The following SLIT2 variants were observed in gnomAD, a reference collection of about 807,000 sequenced individuals.
SLIT2 encodes the protein slit homolog 2 protein.
SLIT2 carries 41 observed loss-of-function variants against 185.7 expected under a neutral mutation model. The observed-to-expected ratio is 0.22, with a 90% CI of 0.17 to 0.29. The LOEUF (loss-of-function observed/expected upper bound fraction) is 0.29. Among genes scored for constraint, SLIT2 ranks in the 10% least tolerant of loss-of-function variants. SLIT2 has a pLI of 1.00. For synonymous variants in SLIT2, 693 were observed against 680.2 expected (o/e 1.02, Z -0.29); for missense variants, 1,571 against 1,909.0 (o/e 0.82, Z 3.30).
chr4:20,361,795 CTT>C (rs1375040324), intron 4 of SLIT2, among the ~76,000 whole-genome samples: 1 of 151,620 alleles, frequency 6.6e-6, no homozygotes, highest in African/African-American at 2.4e-5. Context: ...TTTTTTATTT[CTT>C]TTTTCTCTTC....
At chr4:20,559,586 A>C (rs1487280806) in intron 26 of SLIT2, among the ~76,000 whole-genome samples, 3 of 152,066 alleles carry the variant, frequency 2.0e-5, no homozygotes. Flanking sequence ...AATAATAGCT[A>C]AGTTCTATTG....
chr4:20,437,736 C>T (rs180961134), intron 4 of SLIT2, among the ~76,000 whole-genome samples: 34 of 151,964 alleles, frequency 2.2e-4, no homozygotes, highest in Non-Finnish European at 4.0e-4. Context: ...CATGGTGAAA[C>T]CCTGTCTCTA....
chr4:20,541,389 G>A (rs1722789008), intron 19 of SLIT2, 64 bp from the exon 20 acceptor site: 1 of 1,445,506 alleles, frequency 6.9e-7, no homozygotes, highest in African/African-American at 1.4e-5. Context: ...GGTAGCTGGG[G>A]TTTAGAGAAG....
At chr4:20,274,742 G>GTTT (rs35101905) in intron 4 of SLIT2, among the ~76,000 whole-genome samples, 92 of 144,722 alleles carry the variant, frequency 6.4e-4, no homozygotes, top group Non-Finnish European at 1.2e-3. Context: ...AAGTTTCTGT[G>GTTT]TTTTTTTTTT....
intron 29 of SLIT2, among the ~76,000 whole-genome samples, chr4:20,579,139 CA>C (rs562411981): frequency 4.4e-4 from 64 of 144,290 alleles, no homozygotes; most frequent in Admixed American, 5.6e-4. Context: ...ACTGAAAATA[CA>C]AAAAAAAAAA....
At chr4:20,502,980 C>A (rs778453845) in intron 9 of SLIT2, among the ~76,000 whole-genome samples, 5 of 152,092 alleles carry the variant, frequency 3.3e-5, no homozygotes, top group African/African-American at 7.2e-5. Context: ...TCATGCAGTT[C>A]ATTCCCCTAA....
chr4:20,527,674 C>T (rs1721418274), intron 15 of SLIT2, among the ~76,000 whole-genome samples: 2 of 152,090 alleles, frequency 1.3e-5, no homozygotes, highest in South Asian at 4.1e-4. Flanking sequence ...CACCGTGCTT[C>T]AAAATATTAT....
chr4:20,522,690 A>G (rs1720939935), intron 12 of SLIT2, among the ~76,000 whole-genome samples: 1 of 152,112 alleles, frequency 6.6e-6, no homozygotes, highest in Non-Finnish European at 1.5e-5. Context: ...ACATAGGGGA[A>G]AAAGGAGTTT....
At chr4:20,386,174 T>C (rs1724924056) in intron 4 of SLIT2, among the ~76,000 whole-genome samples, 1 of 152,186 alleles carries the variant, frequency 6.6e-6, no homozygotes, top group Non-Finnish European at 1.5e-5. Context: ...TTGACTCTTT[T>C]TGCATGTAAT....
Position 20,523,872 on chromosome 4 carries a change from A to T in SLIT2, c.1243A>T (p.Thr415Ser), listed in dbSNP as rs887940417. ...DNKLQTIAKG[T>S]FSPLRAIQTM... Reference sequence around the variant, plus strand: ...CAAGCTTCAGACCATCGCCAAGGGGACCTTTTCACCTCTTCGGGCCATTCA... The same window carrying T: ...CAAGCTTCAGACCATCGCCAAGGGGTCCTTTTCACCTCTTCGGGCCATTCA... The change falls in exon 13 of 37, where the codon ACC becomes TCC. Residue 415 changes from threonine (T) to serine (S), a missense_variant. Physicochemically the swap from Thr to Ser is moderately conservative, Grantham distance 58 (BLOSUM62 1). This residue lies in a region of SLIT2 where 1,202 missense variants were observed against 1,416.4 expected (regional missense o/e 0.85). Coordinates refer to ENST00000504154, the MANE Select transcript of SLIT2 (RefSeq NM_004787.4). 3 of 1,613,934 alleles carry T rather than the reference A, an allele frequency of 1.9e-6. No individual in the cohort carries two copies. The African/African-American group carries it at 4.0e-5, about 22-fold the overall frequency.
At chr4:20,575,739 T>C (rs1726034710) in intron 29 of SLIT2, among the ~76,000 whole-genome samples, 1 of 152,170 alleles carries the variant, frequency 6.6e-6, no homozygotes, top group Non-Finnish European at 1.5e-5. Flanking sequence ...ATTGTCCTTA[T>C]GTAAGGAAAG....
chr4:20,280,971 T>A (rs1247201660), intron 4 of SLIT2, among the ~76,000 whole-genome samples: 2 of 152,038 alleles, frequency 1.3e-5, no homozygotes, highest in Non-Finnish European at 2.9e-5. Context: ...TAGTTGGGAT[T>A]ACAGGCATGC....
rs192667974 is a variant in SLIT2 at position 20,611,814 on chromosome 4, C to T, written c.3847+1647C>T. Among the ~76,000 whole-genome samples, 7 of 152,288 alleles carry T rather than the reference C, an allele frequency of 4.6e-5. No individual in the cohort carries two copies. The East Asian group carries it at 1.4e-3, about 29-fold the overall frequency. On this transcript the variant is annotated intron_variant, in intron 34 of 36. Coordinates refer to ENST00000504154, the MANE Select transcript of SLIT2 (RefSeq NM_004787.4). ...TCTCTGTTTTGTAGTCCCTGAAGAG[C>T]AATCTCAAGGATTTTATATAACTTG...
chr4:20,349,165 A>C (rs1721669823), intron 4 of SLIT2, among the ~76,000 whole-genome samples: 1 of 152,156 alleles, frequency 6.6e-6, no homozygotes, highest in African/African-American at 2.4e-5. Flanking sequence ...GTTTCTTAGG[A>C]AATGTTCATG....
intron 4 of SLIT2, among the ~76,000 whole-genome samples, chr4:20,339,717 C>G (rs976247259): frequency 6.6e-6 from 1 of 152,044 alleles, no homozygotes; most frequent in Admixed American, 6.5e-5. Context: ...TAAAGACAGG[C>G]CATGTTGTGA....
In SLIT2 at chr4:20,539,483, T is replaced by C. The variant is rs142213693; in HGVS notation, c.1875T>C (p.Ser625=). ...GAATAACCTGTGTGGGGAATGACAG[T>C]TTCATAGGACTCAGTTCTGTGCGTT... ...SNRITCVGND[S]FIGLSSVRLL... is the part of the protein sequence containing the mutation. Residue 625 remains serine, a synonymous_variant, in exon 19 of 37, where the codon AGT becomes AGC. Coordinates refer to ENST00000504154, the MANE Select transcript of SLIT2 (RefSeq NM_004787.4). 4.2e-5 allele frequency: 67 copies of C among 1,613,804 alleles called. No individual in the cohort carries two copies. In the African/African-American group the frequency reaches 8.4e-4, roughly 20 times the overall value.
At chr4:20,458,715 GT>G (rs1307230346) in intron 4 of SLIT2, among the ~76,000 whole-genome samples, 1 of 152,172 alleles carries the variant, frequency 6.6e-6, no homozygotes, top group South Asian at 2.1e-4. Context: ...AGAATAGGAG[GT>G]TTGAGAAACA....
chr4:20,589,807 C>T, intron 30 of SLIT2, 70 bp downstream of exon 30: 4 of 997,896 alleles, frequency 4.0e-6, no homozygotes, highest in Admixed American at 3.9e-5. Flanking sequence ...CCCTTCTCCT[C>T]CTTCATCCTT....
intron 4 of SLIT2, among the ~76,000 whole-genome samples, chr4:20,315,643 A>G (rs1331430849): frequency 1.3e-5 from 2 of 152,096 alleles, no homozygotes; most frequent in Non-Finnish European, 2.9e-5. Flanking sequence ...ATCAGAAAGG[A>G]AAAAACATAA....
Sources: gnomAD v4.1 joint callset for allele counts (sites outside exome capture counted in the v4.1 genomes callset) on GRCh38, gnomAD v4.1.1 for gene constraint, gnomAD v4.1.1 regional missense constraint, MANE v1.5 for transcripts, NCBI Gene and HGNC (gene_info 2026-07-23, HGNC 2026-07-21) for gene names.